The following ZFPM2 variants were observed in gnomAD, a reference collection of about 807,000 sequenced individuals.
ZFPM2 encodes the protein zinc finger protein ZFPM2.
ZFPM2 carries 20 observed loss-of-function variants against 98.6 expected under a neutral mutation model. The observed-to-expected ratio is 0.20, with a 90% CI of 0.14 to 0.29. The LOEUF is 0.29. ZFPM2 is among the 10% of genes least tolerant of loss of function. The pLI is 1.00. For missense variants in ZFPM2, 1,310 were observed against 1,388.6 expected (o/e 0.94, Z 0.90); for synonymous variants, 518 against 502.7 (o/e 1.03, Z -0.41).
At chr8:105,357,792 G>A (rs751064695) in intron 1 of ZFPM2, among the ~76,000 whole-genome samples, 2 of 152,054 alleles carry the variant, frequency 1.3e-5, no homozygotes, top group South Asian at 2.1e-4. Context: ...AAGGAAGGAC[G>A]TGTAAGTCAT....
chr8:105,747,454 A>C (rs1411180004), intron 5 of ZFPM2, among the ~76,000 whole-genome samples: 1 of 152,120 alleles, frequency 6.6e-6, no homozygotes, highest in Non-Finnish European at 1.5e-5. Flanking sequence ...AAGTTTTACC[A>C]TTCATAATGA....
At chr8:105,520,993 A>G (rs1052578868) in intron 3 of ZFPM2, among the ~76,000 whole-genome samples, 1 of 146,204 alleles carries the variant, frequency 6.8e-6, no homozygotes, top group African/African-American at 2.4e-5. Flanking sequence ...GGTCACAATG[A>G]TGACCAGAAA....
intron 5 of ZFPM2, among the ~76,000 whole-genome samples, chr8:105,672,788 T>G (rs1305983132): frequency 6.6e-6 from 1 of 152,192 alleles, no homozygotes; most frequent in Non-Finnish European, 1.5e-5. Context: ...TTGACTATAT[T>G]TGTTCAACCT....
intron 1 of ZFPM2, among the ~76,000 whole-genome samples, chr8:105,344,645 T>G (rs1302180420): frequency 6.6e-6 from 1 of 152,146 alleles, no homozygotes; most frequent in African/African-American, 2.4e-5. Context: ...TCTATTTCTG[T>G]GTGCCCCCTT....
intron 1 of ZFPM2, among the ~76,000 whole-genome samples, chr8:105,384,571 C>T (rs185989521): frequency 9.9e-4 from 151 of 151,884 alleles, no homozygotes; most frequent in African/African-American, 3.4e-3. Context: ...TTTCCTGATC[C>T]CATCACATTG....
intron 4 of ZFPM2, among the ~76,000 whole-genome samples, chr8:105,596,003 GAA>G (rs34732263): frequency 0.12 from 15,856 of 131,876 alleles, 972 homozygotes; most frequent in Middle Eastern, 0.24. Flanking sequence ...CCTTTTATCT[GAA>G]AAAAAAAAAA....
At chr8:105,700,108 G>A (rs1811108409) in intron 5 of ZFPM2, among the ~76,000 whole-genome samples, 1 of 152,120 alleles carries the variant, frequency 6.6e-6, no homozygotes, top group African/African-American at 2.4e-5. Flanking sequence ...CTACTTAATG[G>A]AAGTTAGCTG....
intron 3 of ZFPM2, among the ~76,000 whole-genome samples, chr8:105,479,845 A>G (rs1813082006): frequency 6.6e-6 from 1 of 151,692 alleles, no homozygotes; most frequent in Non-Finnish European, 1.5e-5. Flanking sequence ...TTTTTTTTTT[A>G]TAATAGCTAG....
intron 3 of ZFPM2, among the ~76,000 whole-genome samples, chr8:105,483,288 T>C (rs1305502128): frequency 6.6e-6 from 1 of 152,052 alleles, no homozygotes; most frequent in Non-Finnish European, 1.5e-5. Context: ...ATTGGCTATA[T>C]TAAAGTTTAT....
Position 105,801,078 on chromosome 8 carries a change from T to A in ZFPM2, c.996T>A (p.Gly332=), listed in dbSNP as rs569651646. The change falls in exon 8 of 8, where the codon GGT becomes GGA. Residue 332 remains glycine (G), a synonymous_variant. Coordinates refer to ENST00000407775, the MANE Select transcript of ZFPM2 (RefSeq NM_012082.4). ...AAATGGAAGAATTCCTGCCCCCTGG[T>A]GCTAGTCTAAAATGCACCGTCTGTA... ...GVKMEEFLPP[G]ASLKCTVCSY... is the part of the protein sequence containing the mutation. 6.2e-7 allele frequency: 1 copy of A among 1,613,732 alleles called. No homozygotes were observed. Among genetic ancestry groups the A allele is most frequent in the South Asian group, 1.1e-5 (1 of 91,076 alleles).
At chr8:105,441,449 AG>A (rs1563659838) in intron 2 of ZFPM2, among the ~76,000 whole-genome samples, 47 of 116,310 alleles carry the variant, frequency 4.0e-4, no homozygotes, top group Non-Finnish European at 6.3e-4. Flanking sequence ...AGAGAGAGAG[AG>A]AGAGAAAGAA....
chr8:105,710,149 C>A lies in ZFPM2; in HGVS notation c.532+75792C>A, dbSNP rs570387625. On this transcript the variant is annotated intron_variant, in intron 5 of 7. Coordinates refer to ENST00000407775, the MANE Select transcript of ZFPM2 (RefSeq NM_012082.4). Reference sequence around the variant, plus strand: ...TTCAACTGAGATAAAAAAAACTTTACGTTTGTGAAGTAATTGGCATAAATA... The same window carrying A: ...TTCAACTGAGATAAAAAAAACTTTAAGTTTGTGAAGTAATTGGCATAAATA... 3.3e-5 allele frequency among the ~76,000 whole-genome samples: 5 copies of A among 150,922 alleles called. No homozygotes were observed. The South Asian group carries it at 1.0e-3, about 32-fold the overall frequency.
intron 3 of ZFPM2, among the ~76,000 whole-genome samples, chr8:105,519,309 A>G (rs1779701381): frequency 6.6e-6 from 1 of 152,178 alleles, no homozygotes; most frequent in African/African-American, 2.4e-5. Context: ...TGATAATCAA[A>G]TATGGTACTG....
At chr8:105,425,630 C>G (rs971922147) in intron 2 of ZFPM2, among the ~76,000 whole-genome samples, 2 of 152,172 alleles carry the variant, frequency 1.3e-5, no homozygotes, top group African/African-American at 4.8e-5. Flanking sequence ...AATGTTTCCC[C>G]CCTCCTCCCA....
intron 5 of ZFPM2, chr8:105,785,285 T>G (rs1813379337): frequency 6.6e-6 from 1 of 152,140 alleles, no homozygotes; most frequent in African/African-American, 2.4e-5. Flanking sequence ...AATTCATTAT[T>G]TCTGTGCATA....
At chr8:105,688,658 C>T (rs745355578) in intron 5 of ZFPM2, among the ~76,000 whole-genome samples, 21 of 152,000 alleles carry the variant, frequency 1.4e-4, no homozygotes, top group Non-Finnish European at 2.8e-4. Flanking sequence ...TGGAACACAT[C>T]AGAAGGAAGA....
At chr8:105,646,110 G>C (rs1817039879) in intron 5 of ZFPM2, among the ~76,000 whole-genome samples, 1 of 150,952 alleles carries the variant, frequency 6.6e-6, no homozygotes, top group Non-Finnish European at 1.5e-5. Context: ...TGAGCTTCAT[G>C]CTTCTCTATG....
At chr8:105,792,811 G>T (rs2131149146) in intron 6 of ZFPM2, among the ~76,000 whole-genome samples, 1 of 152,274 alleles carries the variant, frequency 6.6e-6, no homozygotes, top group Non-Finnish European at 1.5e-5. Flanking sequence ...AGCTCTTCTT[G>T]TTGAATTCAT....
At chr8:105,612,161 A>G (rs1156975569) in intron 4 of ZFPM2, among the ~76,000 whole-genome samples, 1 of 152,198 alleles carries the variant, frequency 6.6e-6, no homozygotes, top group South Asian at 2.1e-4. Flanking sequence ...CTGTTTTTAA[A>G]GAAAACAAAA....
Sources: gnomAD v4.1 joint callset for allele counts (sites outside exome capture counted in the v4.1 genomes callset) on GRCh38, gnomAD v4.1.1 for gene constraint, MANE v1.5 for transcripts, NCBI Gene and HGNC (gene_info 2026-07-23, HGNC 2026-07-21) for gene names.